SMYD3: variants seen among roughly 807,000 people sequenced by gnomAD.
SMYD3 encodes histone-lysine N-methyltransferase SMYD3.
In SMYD3, 36 loss-of-function variants were observed where a neutral mutation model predicts 57.7. The ratio of observed to expected loss-of-function variants is 0.62; its 90% CI spans 0.48 to 0.82. The LOEUF is 0.82. Ranked by LOEUF, SMYD3 falls within the 40% of genes least tolerant of loss-of-function variation. The probability of loss-of-function intolerance (pLI) is 0.00; values close to 1 mark genes in which losing one functional copy is unlikely to be tolerated. For missense variants in SMYD3, 515 were observed against 538.8 expected (o/e 0.96, Z 0.44); for synonymous variants, 211 against 195.0 (o/e 1.08, Z -0.68).
chr1:245,830,721 AC>A (rs1247748483), intron 10 of SMYD3, among the ~76,000 whole-genome samples: 1 of 152,162 alleles, frequency 6.6e-6, no homozygotes, highest in Non-Finnish European at 1.5e-5. Flanking sequence ...GGCAACACCC[AC>A]CCACTAATAA....
chr1:246,060,994 G>A (rs969967136), intron 5 of SMYD3, among the ~76,000 whole-genome samples: 2 of 152,174 alleles, frequency 1.3e-5, no homozygotes, highest in East Asian at 1.9e-4. Flanking sequence ...TTGGGAGGCC[G>A]AGGCGGGCGG....
intron 5 of SMYD3, among the ~76,000 whole-genome samples, chr1:246,112,757 G>A (rs1316246286): frequency 2.0e-5 from 3 of 152,128 alleles, no homozygotes; most frequent in Non-Finnish European, 2.9e-5. Context: ...GAAAAGAAAC[G>A]AAACTATTTC....
chr1:246,412,468 GA>G (rs1343788443), intron 1 of SMYD3, among the ~76,000 whole-genome samples: 2 of 151,300 alleles, frequency 1.3e-5, no homozygotes, highest in Non-Finnish European at 2.9e-5. Flanking sequence ...TTCAGCCATT[GA>G]AAAAAATAGA....
At chr1:245,910,466 A>G (rs1211966558) in intron 8 of SMYD3, among the ~76,000 whole-genome samples, 1 of 152,070 alleles carries the variant, frequency 6.6e-6, no homozygotes, top group African/African-American at 2.4e-5. Flanking sequence ...ATGGAACAAC[A>G]AAAGCAATCC....
intron 5 of SMYD3, among the ~76,000 whole-genome samples, chr1:246,286,300 G>A (rs1004339980): frequency 3.3e-5 from 5 of 152,242 alleles, no homozygotes; most frequent in African/African-American, 1.2e-4. Context: ...GGATACATGC[G>A]CAGGATGTGC....
chr1:246,130,980 T>G (rs965397252), intron 5 of SMYD3, among the ~76,000 whole-genome samples: 1 of 152,276 alleles, frequency 6.6e-6, no homozygotes, highest in African/African-American at 2.4e-5. Flanking sequence ...TCCTGTACAC[T>G]ACACACACTC....
At chr1:245,780,614 T>C (rs2046790726) in intron 10 of SMYD3, among the ~76,000 whole-genome samples, 1 of 152,202 alleles carries the variant, frequency 6.6e-6, no homozygotes, top group African/African-American at 2.4e-5. Flanking sequence ...ATTATGGTGA[T>C]GGTTGTACAA....
At chr1:246,434,094 CT>C (rs1382325158) in intron 1 of SMYD3, among the ~76,000 whole-genome samples, 9 of 152,162 alleles carry the variant, frequency 5.9e-5, no homozygotes, top group Non-Finnish European at 1.2e-4. Flanking sequence ...GGACCTCTAC[CT>C]TTCATCATGT....
intron 10 of SMYD3, among the ~76,000 whole-genome samples, chr1:245,853,661 G>A (rs1419130150): frequency 2.6e-5 from 4 of 151,944 alleles, no homozygotes; most frequent in Middle Eastern, 3.2e-3. Context: ...ACAGTAGAAG[G>A]TACTGTTATG....
At chr1:245,976,993 TCGTCTCTAGCCC>T (rs1558551188) in intron 5 of SMYD3, among the ~76,000 whole-genome samples, 4 of 78,138 alleles carry the variant, frequency 5.1e-5, no homozygotes, top group African/African-American at 1.1e-4. Flanking sequence ...GGGAAAGCCA[TCGTCTCTAGCCC>T]AGGGAAAGCC....
intron 1 of SMYD3, among the ~76,000 whole-genome samples, chr1:246,492,891 A>G (rs551002277): frequency 6.6e-6 from 1 of 152,308 alleles, no homozygotes; most frequent in East Asian, 1.9e-4. Context: ...CTGTAAATTC[A>G]CAAGGCAGGT....
chr1:246,370,507 T>C (rs902743925), intron 1 of SMYD3, among the ~76,000 whole-genome samples: 5 of 152,186 alleles, frequency 3.3e-5, no homozygotes, highest in African/African-American at 1.2e-4. Flanking sequence ...TTGTAACATC[T>C]TGTAGCCTCA....
At chr1:245,821,590 A>G (rs1284533998) in intron 10 of SMYD3, among the ~76,000 whole-genome samples, 2 of 142,868 alleles carry the variant, frequency 1.4e-5, no homozygotes, top group Non-Finnish European at 3.1e-5. Context: ...AAAAGAAACT[A>G]CCATCAGAGT....
chr1:246,024,408 G>GA (rs1231622890), intron 5 of SMYD3, among the ~76,000 whole-genome samples: 9 of 516 alleles, frequency 0.017, no homozygotes, highest in Non-Finnish European at 0.041. Flanking sequence ...ATCTAGGAAG[G>GA]AGATACAGGA....
At chr1:245,764,264 T>A (rs1472526778) in intron 10 of SMYD3, 115 bp from the exon 11 acceptor site, 2 of 687,254 alleles carry the variant, frequency 2.9e-6, no homozygotes, top group Non-Finnish European at 5.2e-6. Context: ...AATGAGCTAC[T>A]GAAAGGAAAT....
Position 245,946,488 on chromosome 1 carries a change from A to G in SMYD3, c.532-16551T>C, listed in dbSNP as rs565985030. 4.6e-5 allele frequency among the ~76,000 whole-genome samples: 7 copies of G among 152,300 alleles called. No individual in the cohort carries two copies. The East Asian group carries it at 7.7e-4, about 17-fold the overall frequency. On this transcript the variant is annotated intron_variant, in intron 5 of 11. Transcript: ENST00000490107. ...TCACCTCACCTCTTCCAGTTCTCCA[A>G]TCCCCTCACAAAGAAGCTATGAGTA...
chr1:246,419,915 G>A (rs936728496), intron 1 of SMYD3, among the ~76,000 whole-genome samples: 14 of 152,216 alleles, frequency 9.2e-5, no homozygotes, highest in African/African-American at 2.7e-4. Flanking sequence ...AGTCTGTCAC[G>A]ACTTGAGCTG....
chr1:246,328,991 T>C (rs1292527228), intron 4 of SMYD3, among the ~76,000 whole-genome samples: 1 of 152,174 alleles, frequency 6.6e-6, no homozygotes, highest in Non-Finnish European at 1.5e-5. Flanking sequence ...ATTTCCAATT[T>C]CATCCATGTC....
Position 246,138,541 on chromosome 1 carries a change from TCAGCCTCCCGAGTAGCTGGGACTG to T in SMYD3, c.531+188636_531+188659del, listed in dbSNP as rs2061700893. Among the ~76,000 whole-genome samples the T allele has an allele frequency of 2.9e-5, 3 of 102,064 alleles. No homozygotes were observed. In the South Asian group the frequency reaches 8.1e-4, roughly 27 times the overall value. The allele number at this position is 102,064 out of a possible 152,430, so 67.0% of individuals were successfully genotyped here. A position where few individuals can be genotyped will look rare whatever the true frequency, so the allele number is the denominator to read the frequency against. On this transcript the variant is annotated intron_variant, in intron 5 of 11. Transcript: ENST00000490107. ...CCCAGGTTCACACCATTCTCCTGCC[TCAGCCTCCCGAGTAGCTGGGACTG>T]CAGGCTCCCGCCACCACGCCCGGCT...
Sources: allele counts gnomAD v4.1 joint callset (sites outside exome capture counted in the v4.1 genomes callset), GRCh38; gene constraint gnomAD v4.1.1; transcripts MANE v1.5; gene names NCBI Gene and HGNC (gene_info 2026-07-23, HGNC 2026-07-21).